Variants in GIT1 observed in about 807,000 individuals in gnomAD.
GIT1 encodes GIT ArfGAP 1.
A neutral mutation model predicts 91.7 loss-of-function variants in GIT1; 14 were observed. The ratio of observed to expected loss-of-function variants is 0.15; its 90% CI spans 0.10 to 0.24. The LOEUF (loss-of-function observed/expected upper bound fraction) is 0.24, where lower values mean the gene tolerates loss of function less well. GIT1 is among the 10% of genes least tolerant of loss of function. The probability of loss-of-function intolerance (pLI) is 1.00; values close to 1 mark genes in which losing one functional copy is unlikely to be tolerated. For missense variants in GIT1, 717 were observed against 1,024.9 expected (o/e 0.70, Z 4.10); for synonymous variants, 414 against 418.2 (o/e 0.99, Z 0.12).
rs934399108 is a variant in GIT1, at chr17:29,581,196, C to T, written c.761+142G>A. 8.6e-6 allele frequency: 6 copies of T among 695,956 alleles called. No individual in the cohort carries two copies. Among genetic ancestry groups the T allele is most frequent in the African/African-American group, 1.8e-5 (1 of 56,800 alleles). 43.1% of individuals were successfully genotyped at this position (695,956 alleles called of 1,614,324 possible). A position where few individuals can be genotyped will look rare whatever the true frequency, so the allele number is the denominator to read the frequency against. On this transcript the variant is annotated intron_variant, in intron 7 of 19. Transcript: ENST00000225394. The surrounding 1 kb of genome is among the most constrained non-coding windows in gnomAD (Gnocchi z 4.8). ...CTGCCTTGGGGCCCAGCATTAGGGACTGAGGACTAAGCTGTGCCTCTAGTC... is the reference window on the plus strand; with the variant it reads ...CTGCCTTGGGGCCCAGCATTAGGGATTGAGGACTAAGCTGTGCCTCTAGTC...
At position 29,575,507 on chromosome 17, in the gene GIT1, A is replaced by G. The variant is rs371721599; in HGVS notation, c.1827-37T>C. The G allele has an allele frequency of 3.8e-6, 6 of 1,583,452 alleles. No individual in the cohort carries two copies. The highest frequency in any genetic ancestry group is 5.2e-6 in the Non-Finnish European group (6 of 1,161,412). ...GTCCAGAAAACAGAGACAAAGATAC[A>G]TATAGAGAAAGACACGTTCCAGCCT... is the stretch of plus-strand genomic sequence containing the variant. On this transcript the variant is annotated intron_variant, in intron 17 of 19. Transcript: ENST00000225394. The surrounding 1 kb of genome is among the most constrained non-coding windows in gnomAD (Gnocchi z 5.5).
At chr17:29,587,587 G>A (rs940100573) in intron 1 of GIT1, among the ~76,000 whole-genome samples, 4 of 152,128 alleles carry the variant, frequency 2.6e-5, no homozygotes, top group Non-Finnish European at 4.4e-5. Context: ...GACATTCAAC[G>A]CAACATACAA....
intron 9 of GIT1, 48 bp from the exon 10 acceptor site, chr17:29,577,790 A>C: frequency 8.6e-7 from 1 of 1,165,378 alleles, no homozygotes; most frequent in Non-Finnish European, 1.3e-6. Context: ...CCAGGCCCCC[A>C]AGGTGGGGGT....
rs577598394 is a variant in GIT1, at chr17:29,575,221, T to C, written c.2009+67A>G. 1.3e-6 allele frequency: 2 copies of C among 1,558,272 alleles called. No individual in the cohort carries two copies. The highest frequency in any genetic ancestry group is 2.7e-5 in the African/African-American group (2 of 73,728). ...GGACAGCAGAACCCAGGGCCCCTCA[T>C]GCTCTCTGCAACACCCTAGAAGCCA... On this transcript the variant is annotated intron_variant, in intron 18 of 19. Coordinates refer to ENST00000225394, the MANE Select transcript of GIT1 (RefSeq NM_014030.4). The surrounding 1 kb of genome is among the most constrained non-coding windows in gnomAD (Gnocchi z 5.5).
At position 29,581,348 on chromosome 17, in the gene GIT1, T is replaced by G; in HGVS notation, c.751A>C (p.Met251Leu). The G allele has an allele frequency of 6.2e-7, 1 of 1,612,414 alleles. No homozygotes were observed. Among genetic ancestry groups the G allele is most frequent in the East Asian group, 2.2e-5 (1 of 44,852 alleles). ...HKNGHYIIPQ[M>L]ADSLDLSELA... ...CAGGTGGGCACTCACCTGTCAGCCA[T>G]CTGTGGGATGATGTAATGCCCATTC... Residue 251 changes from methionine (M) to leucine (L), a missense_variant, in exon 7 of 20, where the codon ATG (methionine) becomes CTG (leucine). Transcript: ENST00000225394. This position sits in a 1 kb window ranked among gnomAD's most constrained non-coding sequence, Gnocchi z 4.8.
intron 7 of GIT1, chr17:29,579,289 C>T: frequency 2.2e-6 from 1 of 465,000 alleles, no homozygotes; most frequent in East Asian, 3.6e-5. Flanking sequence ...GTTGCCTGGG[C>T]TTTGTAAGTT....
rs544991985 is a variant in GIT1, at chr17:29,582,716, G to T, written c.387C>A (p.Thr129=). Residue 129 remains threonine (T), a synonymous_variant, in exon 4 of 20, where the codon ACC becomes ACA. Coordinates refer to ENST00000225394, the MANE Select transcript of GIT1 (RefSeq NM_014030.4). The part of the protein sequence containing the change: ...KLPCRDDDGV[T]AKDLSKQLHS... ...CTCAAACCTTGCTGAGGTCTTTGGC[G>T]GTGACTCCATCATCGTCCCGGCAGG... is the stretch of plus-strand genomic sequence containing the variant. The T allele has an allele frequency of 2.0e-5, 33 of 1,612,492 alleles. No homozygotes were observed. The East Asian group carries it at 7.4e-4, about 36-fold the overall frequency.
At chr17:29,586,522 T>C (rs1046880976) in intron 1 of GIT1, among the ~76,000 whole-genome samples, 5 of 152,146 alleles carry the variant, frequency 3.3e-5, no homozygotes, top group Non-Finnish European at 7.3e-5. Context: ...GGTGCAGGCA[T>C]TGACACACAC....
rs2033145994 is a variant in GIT1, at chr17:29,575,180, C to T, written c.2010-38G>A. ...GGGAGGCTATAAAGCAGGGGGCTCTCAAGGGAGGTTCCCAGGGACAGCAGA... is the reference window on the plus strand; with the variant it reads ...GGGAGGCTATAAAGCAGGGGGCTCTTAAGGGAGGTTCCCAGGGACAGCAGA... On this transcript the variant is annotated intron_variant, in intron 18 of 19. Coordinates refer to ENST00000225394, the MANE Select transcript of GIT1 (RefSeq NM_014030.4). The surrounding 1 kb of genome is among the most constrained non-coding windows in gnomAD (Gnocchi z 5.5). The T allele has an allele frequency of 1.9e-6, 3 of 1,570,936 alleles. No homozygotes were observed. Among genetic ancestry groups the T allele is most frequent in the Non-Finnish European group, 2.6e-6 (3 of 1,152,348 alleles).
chr17:29,585,001 C>T (rs1253560806), intron 1 of GIT1, among the ~76,000 whole-genome samples: 5 of 127,748 alleles, frequency 3.9e-5, no homozygotes, highest in South Asian at 2.4e-4. Flanking sequence ...CCCGCTCTGT[C>T]GCCCAGGCTG....
At chr17:29,578,473 C>T (rs2033289612) in intron 8 of GIT1, 102 bp from the exon 9 acceptor site, 1 of 1,063,852 alleles carries the variant, frequency 9.4e-7, no homozygotes, top group African/African-American at 1.6e-5. Flanking sequence ...GGTGGCCTTC[C>T]TTGTGCTGCC....
rs760217771 is a variant in GIT1 at position 29,581,991 on chromosome 17, C to G, written c.559G>C (p.Val187Leu). 1 of 1,612,888 alleles carries G rather than the reference C, an allele frequency of 6.2e-7. No homozygotes were observed. Among genetic ancestry groups the G allele is most frequent in the African/African-American group, 1.3e-5 (1 of 75,050 alleles). ...AGQTLQAELL[V>L]VYGADPGSPD... is the part of the protein sequence containing the mutation. ...GAGCCAGGGTCAGCCCCATACACTA[C>G]AAGCAGCTCGGCCTGCAGTGTCTGT... Residue 187 changes from valine to leucine, a missense_variant, in exon 5 of 20, where the codon GTA (valine) becomes CTA (leucine). By Grantham distance (32) the Val-to-Leu change is conservative. This residue lies in a region of GIT1 where 271 missense variants were observed against 451.6 expected (regional missense o/e 0.60). Coordinates refer to ENST00000225394, the MANE Select transcript of GIT1 (RefSeq NM_014030.4). The surrounding 1 kb of genome is among the most constrained non-coding windows in gnomAD (Gnocchi z 4.8).
In GIT1 at chr17:29,583,588, A is replaced by T; in HGVS notation, c.81T>A (p.Gly27=). ...PDPGWASISR[G]VLVCDECCSV... is the part of the protein sequence containing the mutation. ...TGCAGCACTCGTCACACACCAGCAC[A>T]CCCCTGCTGATGGATGCCCAGCCAG... Residue 27 remains glycine, a synonymous_variant, in exon 2 of 20, where the codon GGT becomes GGA. Coordinates refer to ENST00000225394, the MANE Select transcript of GIT1 (RefSeq NM_014030.4). The T allele has an allele frequency of 6.2e-7, 1 of 1,602,360 alleles. No individual in the cohort carries two copies.
chr17:29,583,176 C>T, intron 2 of GIT1, 139 bp from the exon 3 acceptor site: 2 of 663,216 alleles, frequency 3.0e-6, no homozygotes, highest in Non-Finnish European at 5.4e-6. Context: ...ACCACCACAC[C>T]TCCATCTAGT....
rs1236848772 is a variant in GIT1 at position 29,582,157 on chromosome 17, G to A, written c.406-13C>T. ...TCGAGTGTAGTTGCTAAGAGGAGCAGAGTGTGCAGTGAATACGCATGTGCG... is the reference window on the plus strand; with the variant it reads ...TCGAGTGTAGTTGCTAAGAGGAGCAAAGTGTGCAGTGAATACGCATGTGCG... On this transcript the variant is annotated splice_polypyrimidine_tract_variant and intron_variant, in intron 4 of 19. Coordinates refer to ENST00000225394, the MANE Select transcript of GIT1 (RefSeq NM_014030.4). 6.5e-7 allele frequency: 1 copy of A among 1,542,296 alleles called. No homozygotes were observed. Among genetic ancestry groups the A allele is most frequent in the African/African-American group, 1.4e-5 (1 of 73,282 alleles).
intron 8 of GIT1, 152 bp from the exon 9 acceptor site, chr17:29,578,523 C>T: frequency 1.2e-6 from 1 of 868,732 alleles, no homozygotes; most frequent in East Asian, 2.4e-5. Flanking sequence ...GGAAAGGGAT[C>T]ATGTTCCAAA....
Position 29,582,604 on chromosome 17 carries a change from C to T in GIT1, c.405+94G>A, listed in dbSNP as rs1486907209. The T allele has an allele frequency of 4.6e-6, 4 of 871,772 alleles. No homozygotes were observed. The Admixed American group carries it at 6.0e-5, about 13-fold the overall frequency. 54.0% of individuals were successfully genotyped at this position (871,772 alleles called of 1,614,324 possible). On this transcript the variant is annotated intron_variant, in intron 4 of 19. Coordinates refer to ENST00000225394, the MANE Select transcript of GIT1 (RefSeq NM_014030.4). The stretch of plus-strand genomic sequence containing the variant: ...ACCCTGACCTGGCTGCCTTTGGGGC[C>T]CAGGGCTCAGTGGGGACAAAGGAGA...
chr17:29,579,933 T>G (rs2033342176), intron 7 of GIT1, among the ~76,000 whole-genome samples: 1 of 152,150 alleles, frequency 6.6e-6, no homozygotes, highest in Non-Finnish European at 1.5e-5. Flanking sequence ...TCACTGCTCC[T>G]GCTGATGCTC....
At chr17:29,583,376 A>G in intron 2 of GIT1, 107 bp downstream of exon 2, 1 of 1,230,134 alleles carries the variant, frequency 8.1e-7, no homozygotes, top group Non-Finnish European at 1.1e-6. Context: ...TGCCCCTTGG[A>G]AGCTGCAGAT....
Sources: allele counts gnomAD v4.1 joint callset (sites outside exome capture counted in the v4.1 genomes callset), GRCh38; gene constraint gnomAD v4.1.1; regional missense constraint gnomAD v4.1.1; non-coding constraint Gnocchi (gnomAD v3.1); transcripts MANE v1.5; gene names NCBI Gene and HGNC (gene_info 2026-07-23, HGNC 2026-07-21).